Variants in OCLN observed in about 807,000 individuals in gnomAD.
OCLN encodes phosphatase 1, regulatory subunit 115.
In OCLN, 21 loss-of-function variants were observed where a neutral mutation model predicts 47.9. The observed-to-expected ratio is 0.44, with a 90% CI of 0.31 to 0.63. The LOEUF (loss-of-function observed/expected upper bound fraction) is 0.63. Among genes scored for constraint, OCLN ranks in the 30% least tolerant of loss-of-function variants. OCLN has a pLI of 0.08. For synonymous variants in OCLN, 117 were observed against 198.4 expected (o/e 0.59, Z 3.45); for missense variants, 360 against 571.0 (o/e 0.63, Z 3.77).
intron 4 of OCLN, among the ~76,000 whole-genome samples, chr5:69,518,102 C>G (rs1047508699): frequency 6.6e-6 from 1 of 152,086 alleles, no homozygotes; most frequent in East Asian, 1.9e-4. Flanking sequence ...GTTCTAGTTG[C>G]TTTTGATAAT....
chr5:69,528,040 C>G (rs1033256038), intron 4 of OCLN, among the ~76,000 whole-genome samples: 14 of 152,146 alleles, frequency 9.2e-5, no homozygotes, highest in African/African-American at 3.4e-4. Flanking sequence ...CAAACCTGGT[C>G]CACGATCTCA....
chr5:69,492,709 T>TG (rs1354906419), upstream of OCLN: 3 of 152,542 alleles, frequency 2.0e-5, no homozygotes, highest in Non-Finnish European at 2.9e-5. Context: ...CCTTCCACGT[T>TG]GGTGCGCATG....
chr5:69,530,968 G>A (rs1383667243), intron 4 of OCLN, among the ~76,000 whole-genome samples: 3 of 152,212 alleles, frequency 2.0e-5, no homozygotes, highest in African/African-American at 4.8e-5. Flanking sequence ...TTGGAGACTC[G>A]AAGAGGAAAG....
intron 3 of OCLN, 145 bp downstream of exon 3, chr5:69,509,964 C>T: frequency 2.8e-6 from 2 of 723,150 alleles, no homozygotes; most frequent in South Asian, 1.5e-5. Context: ...GGGGCTGAGT[C>T]TCATTAAGAT....
intron 1 of OCLN, among the ~76,000 whole-genome samples, chr5:69,503,122 G>A (rs895176492): frequency 2.6e-5 from 4 of 152,086 alleles, no homozygotes; most frequent in African/African-American, 7.2e-5. Context: ...CCAGCACGTC[G>A]GTAGGTGTCT....
chr5:69,509,773 A>G lies in OCLN; in HGVS notation c.683A>G (p.Tyr228Cys), dbSNP rs1768727407. Reference sequence around the variant, plus strand: ...TATACACCTGCAGCTACTGGACTCTACGTGGATCAGTATTTGTATCACTAC... The same window carrying G: ...TATACACCTGCAGCTACTGGACTCTGCGTGGATCAGTATTTGTATCACTAC... Reference protein sequence around the residue: ...QFYTPAATGLYVDQYLYHYCV... With the variant: ...QFYTPAATGLCVDQYLYHYCV... The change falls in exon 3 of 9, where the codon TAC becomes TGC. Residue 228 changes from tyrosine to cysteine, a missense_variant. Coordinates refer to ENST00000396442, the MANE Select transcript of OCLN (RefSeq NM_001205254.2). 1.2e-6 allele frequency: 2 copies of G among 1,613,962 alleles called. No homozygotes were observed. The highest frequency in any genetic ancestry group is 2.7e-5 in the African/African-American group (2 of 74,916).
In OCLN at chr5:69,493,617, AG is replaced by A. The variant is rs1768205299; in HGVS notation, c.-69+720del. On this transcript the variant is annotated intron_variant, in intron 1 of 8. Coordinates refer to ENST00000396442, the MANE Select transcript of OCLN (RefSeq NM_001205254.2). The surrounding 1 kb of genome is among the most constrained non-coding windows in gnomAD (Gnocchi z 5.3). The stretch of plus-strand genomic sequence containing the variant: ...CTTCGGATTCTCATCCGTGACCAAA[AG>A]GGCTGCCCCCAGGGGGGCGGAACTG... Among the ~76,000 whole-genome samples the A allele has an allele frequency of 6.6e-6, 1 of 152,012 alleles. No homozygotes were observed. The highest frequency in any genetic ancestry group is 6.5e-5 in the Admixed American group (1 of 15,272).
Position 69,554,297 on chromosome 5 carries a change from G to A in OCLN, c.*626G>A, listed in dbSNP as rs1229828562. On this transcript the variant is annotated 3_prime_UTR_variant, in exon 9 of 9. Coordinates refer to ENST00000396442, the MANE Select transcript of OCLN (RefSeq NM_001205254.2). ...GTTTTTCTTAAATAATAAAGATCAT[G>A]TAAAAGTAACAAATGTGTGAAATTT... 2 of 149,750 alleles carry A rather than the reference G, an allele frequency of 1.3e-5. No individual in the cohort carries two copies. The highest frequency in any genetic ancestry group is 1.3e-4 in the Admixed American group (2 of 14,958). 9.3% of individuals were successfully genotyped at this position (149,750 alleles called of 1,614,324 possible).
intron 3 of OCLN, among the ~76,000 whole-genome samples, chr5:69,510,663 G>A (rs1243516341): frequency 1.3e-5 from 2 of 152,040 alleles, no homozygotes; most frequent in African/African-American, 4.8e-5. Context: ...CAGCCTGAGC[G>A]ACAGAGCAAG....
rs77392451 is a variant in OCLN, at chr5:69,557,659, A to G, written c.*3988A>G. 7.1e-5 allele frequency: 6 copies of G among 85,076 alleles called. No individual in the cohort carries two copies. Among genetic ancestry groups the G allele is most frequent in the African/African-American group, 1.6e-4 (6 of 36,466 alleles). The allele number at this position is 85,076 out of a possible 1,614,324, so 5.3% of individuals were successfully genotyped here. On this transcript the variant is annotated 3_prime_UTR_variant, in exon 9 of 9. Transcript: ENST00000396442. Reference sequence around the variant, plus strand: ...CAAATAGTTTACTTATCAAGATCACAATTGTTAGATACTGTTGTCAATTAC... The same window carrying G: ...CAAATAGTTTACTTATCAAGATCACGATTGTTAGATACTGTTGTCAATTAC...
intron 5 of OCLN, among the ~76,000 whole-genome samples, chr5:69,536,744 G>A (rs1047831767): frequency 1.3e-5 from 2 of 151,484 alleles, no homozygotes; most frequent in Non-Finnish European, 3.0e-5. Context: ...TGAGGCAGGT[G>A]GATCACGAGG....
chr5:69,530,208 A>AT (rs1420680797), intron 4 of OCLN, among the ~76,000 whole-genome samples: 4 of 152,054 alleles, frequency 2.6e-5, no homozygotes, highest in Non-Finnish European at 5.9e-5. Context: ...AAATTAAAAT[A>AT]TTTTTCTTTT....
intron 4 of OCLN, among the ~76,000 whole-genome samples, chr5:69,524,820 G>A (rs541891267): frequency 4.6e-5 from 7 of 152,320 alleles, no homozygotes; most frequent in East Asian, 3.9e-4. Flanking sequence ...CCAAGTAGCT[G>A]GGATTATAGG....
intron 3 of OCLN, 87 bp from the exon 4 acceptor site, chr5:69,513,861 A>G: frequency 9.2e-7 from 1 of 1,085,956 alleles, no homozygotes; most frequent in Non-Finnish European, 1.4e-6. Context: ...GCCTTAGGGT[A>G]GATAAGGGTT....
At chr5:69,532,275 C>T (rs1253283146) in intron 4 of OCLN, among the ~76,000 whole-genome samples, 3 of 152,098 alleles carry the variant, frequency 2.0e-5, no homozygotes, top group South Asian at 4.1e-4. Context: ...CATTCTGACA[C>T]CCAGGCTGGA....
intron 4 of OCLN, among the ~76,000 whole-genome samples, chr5:69,527,049 G>A (rs1031649309): frequency 7.2e-5 from 11 of 152,088 alleles, no homozygotes; most frequent in Admixed American, 2.0e-4. Flanking sequence ...AGGCCGAGGC[G>A]GGCGGATCAC....
intron 7 of OCLN, among the ~76,000 whole-genome samples, chr5:69,549,721 CTTGT>C (rs1216145434): frequency 6.6e-6 from 1 of 151,244 alleles, no homozygotes; most frequent in Admixed American, 6.6e-5. Context: ...TTAATCTCTT[CTTGT>C]TTATTTGTTC....
At chr5:69,506,346 G>A (rs1330979194) in intron 2 of OCLN, among the ~76,000 whole-genome samples, 1 of 152,226 alleles carries the variant, frequency 6.6e-6, no homozygotes, top group Non-Finnish European at 1.5e-5. Context: ...ACCAGATGAA[G>A]AGGTGGACAG....
At chr5:69,547,456 A>G (rs1407611863) in intron 6 of OCLN, among the ~76,000 whole-genome samples, 82 of 119,118 alleles carry the variant, frequency 6.9e-4, no homozygotes, top group Non-Finnish European at 9.3e-4. Flanking sequence ...CTGTAATCCC[A>G]GCTACTGTGG....
Sources: gnomAD v4.1 joint callset for allele counts (sites outside exome capture counted in the v4.1 genomes callset) on GRCh38, gnomAD v4.1.1 for gene constraint, Gnocchi (gnomAD v3.1) non-coding constraint, MANE v1.5 for transcripts, NCBI Gene and HGNC (gene_info 2026-07-23, HGNC 2026-07-21) for gene names.